The following MMP26 variants were observed in gnomAD, a reference collection of about 807,000 sequenced individuals.
The protein encoded by MMP26 is matrix metalloproteinase-26.
MMP26 carries 33 observed loss-of-function variants against 31.0 expected under a neutral mutation model. That is an observed-to-expected ratio of 1.06 (90% CI 0.81 to 1.42). MMP26 has a LOEUF of 1.42. MMP26 is among the 40% of genes most tolerant of loss of function. The pLI is 0.00. For synonymous variants in MMP26, 122 were observed against 114.9 expected (o/e 1.06, Z -0.40); for missense variants, 347 against 316.1 (o/e 1.10, Z -0.74).
chr11:4,903,261 CAG>C (rs1269503256), intron 2 of MMP26, among the ~76,000 whole-genome samples: 1 of 152,060 alleles, frequency 6.6e-6, no homozygotes, highest in African/African-American at 2.4e-5. Flanking sequence ...AAAAATCTAA[CAG>C]AGTACGACAG....
At chr11:4,768,487 G>GAGTT in intron 2 of MMP26, among the ~76,000 whole-genome samples, 1 of 152,172 alleles carries the variant, frequency 6.6e-6, no homozygotes, top group Non-Finnish European at 1.5e-5. Context: ...ACATGACTTT[G>GAGTT]GCAGAGTATG....
chr11:4,942,856 A>G (rs1363479306), intron 2 of MMP26: 1 of 152,232 alleles, frequency 6.6e-6, no homozygotes, highest in Admixed American at 6.5e-5. Context: ...TCAAGCAAGA[A>G]TAACACATTC....
chr11:4,836,651 C>CTTTTT (rs71480270), intron 2 of MMP26, among the ~76,000 whole-genome samples: 6 of 95,960 alleles, frequency 6.3e-5, no homozygotes, highest in African/African-American at 1.4e-4. Flanking sequence ...TCAAAGACAT[C>CTTTTT]TTTTTTTTTT....
In MMP26 at chr11:4,872,433, G is replaced by A. The variant is rs1589925474; in HGVS notation, c.-145+105092G>A. ...TAGATGTGGGAATTAAGGGGCAAGG[G>A]GAGTATGTGATTCTACCAAAAACTA... On this transcript the variant is annotated intron_variant, in intron 2 of 7. Transcript: ENST00000380390. Among the ~76,000 whole-genome samples, 5 of 152,072 alleles carry A rather than the reference G, an allele frequency of 3.3e-5. No individual in the cohort carries two copies. In the South Asian group the frequency reaches 1.0e-3, roughly 32 times the overall value.
chr11:4,780,331 A>G lies in MMP26; in HGVS notation c.-145+12990A>G, dbSNP rs141133264. On this transcript the variant is annotated intron_variant, in intron 2 of 7. Coordinates refer to ENST00000380390, the MANE Select transcript of MMP26 (RefSeq NM_021801.5). Reference sequence around the variant, plus strand: ...AGTGCATGAGAATTTTAGTATCTGCATCATCACTAACACTTAGTATTGTCT... The same window carrying G: ...AGTGCATGAGAATTTTAGTATCTGCGTCATCACTAACACTTAGTATTGTCT... 3.0e-3 allele frequency among the ~76,000 whole-genome samples: 464 copies of G among 152,258 alleles called. 1 individual carries two copies. Among genetic ancestry groups the G allele is most frequent in the Non-Finnish European group, 5.7e-3 (388 of 67,976 alleles).
chr11:4,840,998 G>C (rs1849785965), intron 2 of MMP26, among the ~76,000 whole-genome samples: 1 of 152,084 alleles, frequency 6.6e-6, no homozygotes, highest in Non-Finnish European at 1.5e-5. Context: ...GAAATTCTGG[G>C]GCTGAAAAAT....
intron 1 of MMP26, among the ~76,000 whole-genome samples, chr11:4,726,966 T>C (rs1848109478): frequency 6.6e-6 from 1 of 152,138 alleles, no homozygotes; most frequent in South Asian, 2.1e-4. Flanking sequence ...CCGTGAACTA[T>C]GATTATGCCA....
intron 2 of MMP26, among the ~76,000 whole-genome samples, chr11:4,960,191 G>C (rs1057117674): frequency 3.3e-5 from 5 of 152,092 alleles, no homozygotes; most frequent in African/African-American, 1.2e-4. Context: ...AAAATTCTAG[G>C]TGCAATTGGC....
chr11:4,965,506 T>G (rs1368821), intron 2 of MMP26, among the ~76,000 whole-genome samples: 72,771 of 151,954 alleles, frequency 0.48, 18,595 homozygotes, highest in South Asian at 0.64. Flanking sequence ...TTCCTTTCCT[T>G]ACATAGATAA....
At chr11:4,905,685 G>A (rs2133563424) in intron 2 of MMP26, among the ~76,000 whole-genome samples, 1 of 152,062 alleles carries the variant, frequency 6.6e-6, no homozygotes, top group Admixed American at 6.6e-5. Context: ...TTTAATTTAT[G>A]CATTTACTAA....
intron 2 of MMP26, among the ~76,000 whole-genome samples, chr11:4,851,179 G>A (rs544074738): frequency 1.1e-4 from 16 of 152,278 alleles, no homozygotes; most frequent in Non-Finnish European, 1.8e-4. Context: ...ACAGCCAGTT[G>A]CCTAGCATTT....
rs879944296 is a variant in MMP26, at chr11:4,746,874, CACAA to C, written c.-216-20394_-216-20391del. On this transcript the variant is annotated intron_variant, in intron 1 of 7. Transcript: ENST00000380390. ...ACACACACACACACACACACACACA[CACAA>C]AGGCTATACATTGGAATAATGTTCT... 7.9e-3 allele frequency among the ~76,000 whole-genome samples: 1,148 copies of C among 144,668 alleles called. 47 individuals carry two copies. The highest frequency in any genetic ancestry group is 0.072 in the Admixed American group (1,040 of 14,350). 94.9% of individuals were successfully genotyped at this position (144,668 alleles called of 152,430 possible). A position where few individuals can be genotyped will look rare whatever the true frequency, so the allele number is the denominator to read the frequency against.
intron 1 of MMP26, among the ~76,000 whole-genome samples, chr11:4,759,126 A>T: frequency 6.6e-6 from 1 of 151,392 alleles, no homozygotes; most frequent in Non-Finnish European, 1.5e-5. Context: ...AAAAAAAAAA[A>T]AAAAAAAAAG....
chr11:4,783,894 T>C (rs117568018), intron 2 of MMP26, among the ~76,000 whole-genome samples: 2,900 of 152,296 alleles, frequency 0.019, 52 homozygotes, highest in South Asian at 0.072. Context: ...TCCACTATGA[T>C]TGTGAGGTTT....
intron 1 of MMP26, among the ~76,000 whole-genome samples, chr11:4,758,981 C>G (rs1848538788): frequency 6.6e-6 from 1 of 151,570 alleles, no homozygotes; most frequent in African/African-American, 2.4e-5. Context: ...CATGGTGGTG[C>G]ATGCCTGTAA....
intron 2 of MMP26, chr11:4,832,872 G>T: frequency 5.1e-6 from 1 of 196,232 alleles, no homozygotes. Flanking sequence ...TCATATCTGT[G>T]CTGTACTCGT....
intron 2 of MMP26, chr11:4,946,122 T>G: frequency 1.3e-6 from 2 of 1,553,996 alleles, no homozygotes; most frequent in Non-Finnish European, 1.8e-6. Flanking sequence ...TTAAATATCT[T>G]ACCAGACATT....
intron 2 of MMP26, among the ~76,000 whole-genome samples, chr11:4,863,813 A>G (rs780844577): frequency 2.6e-5 from 4 of 152,080 alleles, no homozygotes; most frequent in African/African-American, 7.2e-5. Context: ...TCCCTTCCTA[A>G]TTTCCCTAAG....
At chr11:4,744,093 C>T (rs968327181) in intron 1 of MMP26, among the ~76,000 whole-genome samples, 3 of 152,116 alleles carry the variant, frequency 2.0e-5, no homozygotes. Flanking sequence ...AGCCACCGTG[C>T]CTAGCAGGAC....
Sources: allele counts gnomAD v4.1 joint callset (sites outside exome capture counted in the v4.1 genomes callset), GRCh38; gene constraint gnomAD v4.1.1; transcripts MANE v1.5; gene names NCBI Gene and HGNC (gene_info 2026-07-23, HGNC 2026-07-21).